The following EXT1 variants were observed in gnomAD, a reference collection of about 807,000 sequenced individuals.
The protein encoded by EXT1 is exostosin glycosyltransferase 1, also known as exostosin-1.
EXT1 carries 20 observed loss-of-function variants against 82.5 expected under a neutral mutation model. The observed-to-expected ratio is 0.24, with a 90% CI of 0.17 to 0.35. The LOEUF (loss-of-function observed/expected upper bound fraction) is 0.35. Ranked by LOEUF, EXT1 falls within the 10% of genes least tolerant of loss-of-function variation. The pLI, the probability that EXT1 is intolerant of heterozygous loss-of-function variation, is 1.00. For missense variants in EXT1, 757 were observed against 936.5 expected (o/e 0.81, Z 2.50); for synonymous variants, 348 against 350.8 (o/e 0.99, Z 0.09).
intron 1 of EXT1, among the ~76,000 whole-genome samples, chr8:117,889,090 A>G (rs530770779): frequency 3.3e-5 from 5 of 152,214 alleles, no homozygotes; most frequent in African/African-American, 1.2e-4. Context: ...TTGCTATGAG[A>G]TGGAATGCAG....
intron 1 of EXT1, among the ~76,000 whole-genome samples, chr8:117,922,659 G>A (rs1241777331): frequency 6.6e-6 from 1 of 152,182 alleles, no homozygotes; most frequent in Admixed American, 6.5e-5. Flanking sequence ...CCTTGTTAGG[G>A]ATATAAATGG....
At chr8:118,083,641 A>C (rs562387965) in intron 1 of EXT1, among the ~76,000 whole-genome samples, 9 of 152,200 alleles carry the variant, frequency 5.9e-5, no homozygotes, top group Non-Finnish European at 1.3e-4. Context: ...TGCCCAGCAC[A>C]GTCCCCAGGA....
At chr8:118,024,110 T>C (rs1036134871) in intron 1 of EXT1, among the ~76,000 whole-genome samples, 1 of 152,178 alleles carries the variant, frequency 6.6e-6, no homozygotes, top group Non-Finnish European at 1.5e-5. Flanking sequence ...GGAGAAATCT[T>C]AGAAGAAAAA....
intron 1 of EXT1, among the ~76,000 whole-genome samples, chr8:118,049,711 C>T (rs1315729575): frequency 6.6e-6 from 1 of 152,222 alleles, no homozygotes; most frequent in African/African-American, 2.4e-5. Context: ...AATAAACCTT[C>T]ATCTTCACGC....
chr8:117,803,195 T>C (rs1403290530), intron 10 of EXT1, among the ~76,000 whole-genome samples: 1 of 152,134 alleles, frequency 6.6e-6, no homozygotes, highest in Non-Finnish European at 1.5e-5. Flanking sequence ...TGTTTCTTTT[T>C]TCTTTTTCTT....
intron 1 of EXT1, among the ~76,000 whole-genome samples, chr8:118,005,063 G>C (rs919211536): frequency 2.6e-5 from 4 of 152,176 alleles, no homozygotes; most frequent in African/African-American, 9.7e-5. Flanking sequence ...CTGAGACAAA[G>C]TGATTTGCAT....
chr8:117,884,535 C>T (rs972833928), intron 1 of EXT1, among the ~76,000 whole-genome samples: 5 of 152,206 alleles, frequency 3.3e-5, no homozygotes, highest in Non-Finnish European at 5.9e-5. Flanking sequence ...ACAGTAAACA[C>T]GCACAGCAAA....
rs1039628446 is a variant in EXT1, at chr8:118,103,613, G to A, written c.962+6472C>T. On this transcript the variant is annotated intron_variant, in intron 1 of 10. Coordinates refer to ENST00000378204, the MANE Select transcript of EXT1 (RefSeq NM_000127.3). ...GTCTACCTGGGGCAGCAGTCACTCT[G>A]ATCCCCATCCACCTGCAGCGACATC... Among the ~76,000 whole-genome samples the A allele has an allele frequency of 2.0e-5, 3 of 152,098 alleles. No homozygotes were observed. In the South Asian group the frequency reaches 6.2e-4, roughly 32 times the overall value.
At chr8:118,020,375 T>G (rs1287637440) in intron 1 of EXT1, among the ~76,000 whole-genome samples, 1 of 152,192 alleles carries the variant, frequency 6.6e-6, no homozygotes, top group Non-Finnish European at 1.5e-5. Context: ...TACCTTCACT[T>G]TCAGTGGTTG....
chr8:117,996,499 TTTTAGC>T (rs1815541429), intron 1 of EXT1, among the ~76,000 whole-genome samples: 1 of 152,198 alleles, frequency 6.6e-6, no homozygotes, highest in African/African-American at 2.4e-5. Context: ...CTTCAGATGA[TTTTAGC>T]CACAGCCTTT....
At chr8:117,855,894 A>C (rs1587012888) in intron 1 of EXT1, among the ~76,000 whole-genome samples, 1 of 151,842 alleles carries the variant, frequency 6.6e-6, no homozygotes, top group African/African-American at 2.4e-5. Flanking sequence ...GGTCTCAAAC[A>C]CCCGACCTCA....
intron 1 of EXT1, among the ~76,000 whole-genome samples, chr8:117,873,103 T>G (rs1812902877): frequency 6.6e-6 from 1 of 152,160 alleles, no homozygotes; most frequent in Non-Finnish European, 1.5e-5. Context: ...GACTGCAGAA[T>G]GATTCTTCAC....
chr8:118,039,574 A>T lies in EXT1; in HGVS notation c.962+70511T>A, dbSNP rs1020506699. On this transcript the variant is annotated intron_variant, in intron 1 of 10. Coordinates refer to ENST00000378204, the MANE Select transcript of EXT1 (RefSeq NM_000127.3). ...CTCCGTCACAAAAAAAAAAAAAAAAAAAAAAAATAAGATCCAGAAGGTACA... is the reference window on the plus strand; with the variant it reads ...CTCCGTCACAAAAAAAAAAAAAAAATAAAAAAATAAGATCCAGAAGGTACA... Among the ~76,000 whole-genome samples the T allele has an allele frequency of 3.6e-3, 549 of 151,636 alleles. 2 individuals carry two copies. Among genetic ancestry groups the T allele is most frequent in the African/African-American group, 0.012 (513 of 41,396 alleles).
chr8:117,797,007 G>A lies in EXT1; in HGVS notation c.*2705C>T, dbSNP rs1418193109. On this transcript the variant is annotated 3_prime_UTR_variant, in exon 11 of 11. Coordinates refer to ENST00000378204, the MANE Select transcript of EXT1 (RefSeq NM_000127.3). ...AGCAATTCATTACGTGGTTGGCACT[G>A]TACTCTCAGCCCTTGGCTTCTCTCC... is the stretch of plus-strand genomic sequence containing the variant. The A allele has an allele frequency of 6.6e-6, 1 of 152,212 alleles. No individual in the cohort carries two copies. Among genetic ancestry groups the A allele is most frequent in the African/African-American group, 2.4e-5 (1 of 41,452 alleles). 9.4% of individuals were successfully genotyped at this position (152,212 alleles called of 1,614,324 possible).
At chr8:117,966,009 CACAT>C (rs1814802166) in intron 1 of EXT1, among the ~76,000 whole-genome samples, 1 of 151,936 alleles carries the variant, frequency 6.6e-6, no homozygotes, top group African/African-American at 2.4e-5. Flanking sequence ...CACACACACA[CACAT>C]ATATACACAC....
chr8:117,983,986 T>G (rs1455134000), intron 1 of EXT1, among the ~76,000 whole-genome samples: 1 of 152,248 alleles, frequency 6.6e-6, no homozygotes, highest in African/African-American at 2.4e-5. Flanking sequence ...AAATATTGAC[T>G]GAGCCCCCAC....
At chr8:118,059,803 T>C (rs1454437106) in intron 1 of EXT1, among the ~76,000 whole-genome samples, 1 of 152,230 alleles carries the variant, frequency 6.6e-6, no homozygotes, top group East Asian at 1.9e-4. Context: ...ATACTCACCA[T>C]GTTTGTGTTT....
intron 1 of EXT1, among the ~76,000 whole-genome samples, chr8:117,885,885 C>T (rs866732981): frequency 2.6e-5 from 4 of 152,200 alleles, no homozygotes; most frequent in Admixed American, 6.5e-5. Flanking sequence ...CTGTGGACTG[C>T]TCCAGTGGAC....
intron 1 of EXT1, among the ~76,000 whole-genome samples, chr8:117,999,516 C>A (rs1347890668): frequency 3.3e-5 from 5 of 152,202 alleles, no homozygotes; most frequent in African/African-American, 1.2e-4. Context: ...CCATTCTGAT[C>A]AGCTCCCACA....
Sources: gnomAD v4.1 joint callset for allele counts (sites outside exome capture counted in the v4.1 genomes callset) on GRCh38, gnomAD v4.1.1 for gene constraint, MANE v1.5 for transcripts, NCBI Gene and HGNC (gene_info 2026-07-23, HGNC 2026-07-21) for gene names.